The following ABTB2 variants were observed in gnomAD, a reference collection of about 807,000 sequenced individuals.
ABTB2 encodes ankyrin repeat and BTB/POZ domain-containing protein 2.
ABTB2 carries 56 observed loss-of-function variants against 104.1 expected under a neutral mutation model. The observed-to-expected ratio is 0.54, with a 90% CI of 0.43 to 0.67. ABTB2 has a LOEUF of 0.67. Ranked by LOEUF, ABTB2 falls within the 30% of genes least tolerant of loss-of-function variation. ABTB2 has a pLI of 0.00. For synonymous variants in ABTB2, 606 were observed against 608.2 expected (o/e 1.00, Z 0.05); for missense variants, 1,279 against 1,407.7 (o/e 0.91, Z 1.46).
chr11:34,284,916 C>A (rs946620962), intron 1 of ABTB2, among the ~76,000 whole-genome samples: 3 of 152,152 alleles, frequency 2.0e-5, no homozygotes, highest in Non-Finnish European at 2.9e-5. Context: ...TCATCACTGA[C>A]ACTCAGACTG....
chr11:34,251,006 T>C (rs1313092322), intron 1 of ABTB2, among the ~76,000 whole-genome samples: 1 of 152,202 alleles, frequency 6.6e-6, no homozygotes, highest in Non-Finnish European at 1.5e-5. Flanking sequence ...ACATGTGTTT[T>C]TACCCCTATA....
intron 1 of ABTB2, among the ~76,000 whole-genome samples, chr11:34,338,514 T>C (rs1478698334): frequency 2.0e-5 from 3 of 149,744 alleles, no homozygotes; most frequent in East Asian, 2.0e-4. Context: ...CTGGCCAACA[T>C]GGTGAAACCC....
chr11:34,248,296 T>C (rs746704698), intron 1 of ABTB2, among the ~76,000 whole-genome samples: 36 of 151,902 alleles, frequency 2.4e-4, no homozygotes, highest in Non-Finnish European at 4.6e-4. Flanking sequence ...ATCTCATTTG[T>C]AGCCCAGGCT....
At chr11:34,272,724 A>C (rs1206425821) in intron 1 of ABTB2, among the ~76,000 whole-genome samples, 16 of 150,212 alleles carry the variant, frequency 1.1e-4, no homozygotes, top group South Asian at 2.1e-4. Flanking sequence ...AAAAAAAAAA[A>C]AAAAAAACCA....
intron 7 of ABTB2, among the ~76,000 whole-genome samples, chr11:34,167,039 G>A (rs965639931): frequency 7.2e-5 from 11 of 152,250 alleles, no homozygotes; most frequent in African/African-American, 2.7e-4. Flanking sequence ...CTGGACCTGG[G>A]TCTTGTTTCC....
At chr11:34,233,030 TG>T (rs1423022477) in intron 1 of ABTB2, among the ~76,000 whole-genome samples, 1 of 145,344 alleles carries the variant, frequency 6.9e-6, no homozygotes, top group Non-Finnish European at 1.5e-5. Context: ...TCCATCATGC[TG>T]GGAGCCACTG....
intron 1 of ABTB2, among the ~76,000 whole-genome samples, chr11:34,297,118 G>A (rs781355793): frequency 1.1e-4 from 16 of 152,164 alleles, no homozygotes; most frequent in Non-Finnish European, 2.2e-4. Context: ...AGGAAATCTA[G>A]ATTTAGTCTT....
At chr11:34,246,660 A>G in intron 1 of ABTB2, among the ~76,000 whole-genome samples, 1 of 139,424 alleles carries the variant, frequency 7.2e-6, no homozygotes, top group East Asian at 2.3e-4. Context: ...CTTTTTCTTG[A>G]TATCTGTACT....
At chr11:34,263,273 C>T (rs1854209762) in intron 1 of ABTB2, among the ~76,000 whole-genome samples, 1 of 152,052 alleles carries the variant, frequency 6.6e-6, no homozygotes, top group African/African-American at 2.4e-5. Flanking sequence ...GGGCCACACT[C>T]CCCCTTCACA....
At chr11:34,318,446 CTT>C (rs1226673901) in intron 1 of ABTB2, among the ~76,000 whole-genome samples, 2 of 152,176 alleles carry the variant, frequency 1.3e-5, no homozygotes, top group African/African-American at 4.8e-5. Flanking sequence ...CAAGGAATGA[CTT>C]ATTTTAAAGG....
chr11:34,152,034 G>A lies in ABTB2; in HGVS notation c.*353C>T, dbSNP rs1852548387. 1 of 316,474 alleles carries A rather than the reference G, an allele frequency of 3.2e-6. No individual in the cohort carries two copies. The highest frequency in any genetic ancestry group is 2.1e-5 in the African/African-American group (1 of 46,822). 19.6% of individuals were successfully genotyped at this position (316,474 alleles called of 1,614,324 possible). A position where few individuals can be genotyped will look rare whatever the true frequency, so the allele number is the denominator to read the frequency against. The stretch of plus-strand genomic sequence containing the variant: ...ATGGTCTGAGTTTACTGAGGCCCTA[G>A]GGGTGAGTAGAGCTTGGAGGGCCTG... On this transcript the variant is annotated 3_prime_UTR_variant, in exon 17 of 17. Transcript: ENST00000435224.
At chr11:34,340,439 T>C (rs140297405) in intron 1 of ABTB2, among the ~76,000 whole-genome samples, 1 of 152,304 alleles carries the variant, frequency 6.6e-6, no homozygotes, top group Non-Finnish European at 1.5e-5. Context: ...GATGAGAAGA[T>C]TGAGGTATTG....
In ABTB2 at chr11:34,357,477, T is replaced by C; in HGVS notation, c.107A>G (p.Lys36Arg). ...AGAGTTGAGCGCCTGCGAGTTGGACTTGGAGGACGAGAGGCTGAGCGAGCG... is the reference window on the plus strand; with the variant it reads ...AGAGTTGAGCGCCTGCGAGTTGGACCTGGAGGACGAGAGGCTGAGCGAGCG... ...SCRSLSLSSS[K>R]SNSQALNSSA... is the part of the protein sequence containing the mutation. The change falls in exon 1 of 17, where the codon AAG becomes AGG. Residue 36 changes from lysine (K) to arginine (R), a missense_variant. Transcript: ENST00000435224. 1 of 1,546,254 alleles carries C rather than the reference T, an allele frequency of 6.5e-7. No individual in the cohort carries two copies. Among genetic ancestry groups the C allele is most frequent in the Non-Finnish European group, 8.7e-7 (1 of 1,146,826 alleles).
chr11:34,247,480 C>G (rs1188121691), intron 1 of ABTB2, among the ~76,000 whole-genome samples: 1 of 152,130 alleles, frequency 6.6e-6, no homozygotes, highest in Non-Finnish European at 1.5e-5. Context: ...TGATCTTGTC[C>G]AATTGTAGGC....
chr11:34,253,397 G>T (rs911808760), intron 1 of ABTB2, among the ~76,000 whole-genome samples: 1 of 152,178 alleles, frequency 6.6e-6, no homozygotes, highest in Non-Finnish European at 1.5e-5. Context: ...TGCTTTCAAG[G>T]CTGGGCACAG....
intron 1 of ABTB2, among the ~76,000 whole-genome samples, chr11:34,272,830 A>C (rs1184944683): frequency 6.6e-6 from 1 of 151,860 alleles, no homozygotes; most frequent in East Asian, 1.9e-4. Flanking sequence ...GATAACTATC[A>C]TGAGACGCAG....
intron 1 of ABTB2, among the ~76,000 whole-genome samples, chr11:34,206,298 G>A (rs185920631): frequency 2.7e-4 from 41 of 152,194 alleles, no homozygotes; most frequent in Admixed American, 1.9e-3. Flanking sequence ...CAGGAGCATC[G>A]CTTGAACCCG....
intron 1 of ABTB2, among the ~76,000 whole-genome samples, chr11:34,317,941 C>T (rs1854957749): frequency 6.7e-6 from 1 of 149,698 alleles, no homozygotes; most frequent in African/African-American, 2.5e-5. Flanking sequence ...CTCACCCCCA[C>T]TCCTCCCCTC....
chr11:34,229,311 C>T (rs1432915421), intron 1 of ABTB2, among the ~76,000 whole-genome samples: 2 of 151,076 alleles, frequency 1.3e-5, no homozygotes, highest in East Asian at 3.9e-4. Flanking sequence ...TGAAACCCGT[C>T]TCTACCAAAA....
Sources: allele counts gnomAD v4.1 joint callset (sites outside exome capture counted in the v4.1 genomes callset), GRCh38; gene constraint gnomAD v4.1.1; transcripts MANE v1.5; gene names NCBI Gene and HGNC (gene_info 2026-07-23, HGNC 2026-07-21).